Variants in PAX5 observed in about 807,000 individuals in gnomAD.
PAX5 encodes the protein paired box protein Pax-5.
A neutral mutation model predicts 43.7 loss-of-function variants in PAX5; 9 were observed. The observed-to-expected ratio is 0.21, with a 90% CI of 0.12 to 0.36. PAX5 has a LOEUF of 0.36. PAX5 is among the 10% of genes least tolerant of loss of function. The pLI is 1.00. For synonymous variants in PAX5, 228 were observed against 214.3 expected, an observed-to-expected ratio of 1.06 and a Z score of -0.56; for missense variants, 383 against 532.7, an observed-to-expected ratio of 0.72 and a Z score of 2.77.
intron 5 of PAX5, among the ~76,000 whole-genome samples, chr9:36,997,830 C>T (rs1485312399): frequency 6.6e-6 from 1 of 152,246 alleles, no homozygotes; most frequent in Non-Finnish European, 1.5e-5. Context: ...GTGGCCCCTG[C>T]CCTGTCAAGT....
intron 1 of PAX5, among the ~76,000 whole-genome samples, chr9:37,025,999 C>CTCAACTCCAGGACG: frequency 6.6e-6 from 1 of 152,316 alleles, no homozygotes; most frequent in South Asian, 2.1e-4. Flanking sequence ...AAGCCCCCTC[C>CTCAACTCCAGGACG]TCAACTCCAG....
At chr9:36,877,788 G>A (rs1826047289) in intron 8 of PAX5, among the ~76,000 whole-genome samples, 1 of 152,202 alleles carries the variant, frequency 6.6e-6, no homozygotes. Flanking sequence ...CTCCTTATAT[G>A]TAACCTGTGA....
chr9:36,967,200 G>A lies in PAX5; in HGVS notation c.605-476C>T, dbSNP rs183471244. Among the ~76,000 whole-genome samples the A allele has an allele frequency of 3.0e-4, 45 of 152,246 alleles. 1 individual carries two copies. The South Asian group carries it at 5.6e-3, about 19-fold the overall frequency. ...ACATTTGCTACCACATCATGTGACC[G>A]GTCAGTGAAACACTGTGCTAGGAAG... is the stretch of plus-strand genomic sequence containing the variant. On this transcript the variant is annotated intron_variant, in intron 5 of 9. Transcript: ENST00000358127.
At chr9:36,909,814 A>ATT (rs752114508) in intron 7 of PAX5, among the ~76,000 whole-genome samples, 5,364 of 91,752 alleles carry the variant, frequency 0.058, 277 homozygotes, top group Non-Finnish European at 0.076. Flanking sequence ...AGACATTTTA[A>ATT]TTTTTTTTTT....
intron 8 of PAX5, among the ~76,000 whole-genome samples, chr9:36,867,009 C>T (rs1824948826): frequency 6.8e-6 from 1 of 146,906 alleles, no homozygotes; most frequent in Non-Finnish European, 1.5e-5. Flanking sequence ...GTCTTTGCCG[C>T]TGCCCCCAGT....
intron 6 of PAX5, among the ~76,000 whole-genome samples, chr9:36,960,706 G>A (rs947511110): frequency 1.7e-4 from 26 of 152,150 alleles, no homozygotes; most frequent in African/African-American, 4.6e-4. Flanking sequence ...TCATCTCTGC[G>A]TTCCACCCCT....
At chr9:37,030,779 C>A (rs899528279) in intron 1 of PAX5, among the ~76,000 whole-genome samples, 1 of 152,196 alleles carries the variant, frequency 6.6e-6, no homozygotes, top group African/African-American at 2.4e-5. Context: ...ACTGCATTAC[C>A]GTGGCTTCAG....
At chr9:36,975,498 G>C (rs1193335798) in intron 5 of PAX5, among the ~76,000 whole-genome samples, 1 of 151,460 alleles carries the variant, frequency 6.6e-6, no homozygotes, top group East Asian at 1.9e-4. Flanking sequence ...CCATTCTCCT[G>C]CCTCAGCATC....
At chr9:36,948,334 G>A (rs558665576) in intron 6 of PAX5, among the ~76,000 whole-genome samples, 1 of 152,322 alleles carries the variant, frequency 6.6e-6, no homozygotes, top group South Asian at 2.1e-4. Context: ...CTTCCTCCGA[G>A]AGGGACGGGA....
intron 8 of PAX5, among the ~76,000 whole-genome samples, chr9:36,881,346 C>G (rs4480200): frequency 0.91 from 138,946 of 151,872 alleles, 63,594 homozygotes; most frequent in Admixed American, 0.93. Flanking sequence ...AGAAAGAATA[C>G]TCGGGTATTC....
chr9:36,851,814 A>G (rs928679775), intron 8 of PAX5, among the ~76,000 whole-genome samples: 3 of 152,140 alleles, frequency 2.0e-5, no homozygotes, highest in Non-Finnish European at 4.4e-5. Flanking sequence ...CCCCTTCTCT[A>G]GCTGCTGTTG....
At chr9:36,941,181 G>T (rs1317847803) in intron 6 of PAX5, among the ~76,000 whole-genome samples, 1 of 152,208 alleles carries the variant, frequency 6.6e-6, no homozygotes, top group Non-Finnish European at 1.5e-5. Context: ...TAGAACCCCA[G>T]CACCACCCAT....
In PAX5 at chr9:36,881,934, G is replaced by C. The variant is rs973843299; in HGVS notation, c.1012+70C>G. The C allele has an allele frequency of 2.3e-5, 25 of 1,092,060 alleles. No homozygotes were observed. In the South Asian group the frequency reaches 3.3e-4, roughly 15 times the overall value. The allele number at this position is 1,092,060 out of a possible 1,614,324, so 67.6% of individuals were successfully genotyped here. On this transcript the variant is annotated intron_variant, in intron 8 of 9. Transcript: ENST00000358127. Reference sequence around the variant, plus strand: ...AGCGTAGAGGTCACCCAGGCTGTTTGGGGGGGGATGTCCCCCCACCGAAAC... The same window carrying C: ...AGCGTAGAGGTCACCCAGGCTGTTTCGGGGGGGATGTCCCCCCACCGAAAC...
At chr9:36,871,135 C>A (rs1015405234) in intron 8 of PAX5, among the ~76,000 whole-genome samples, 1 of 152,216 alleles carries the variant, frequency 6.6e-6, no homozygotes, top group Admixed American at 6.5e-5. Context: ...CCTGTAGCAG[C>A]GTGGCTTAAA....
intron 8 of PAX5, among the ~76,000 whole-genome samples, chr9:36,860,093 T>C (rs140748763): frequency 0.01 from 1,524 of 147,814 alleles, 26 homozygotes; most frequent in African/African-American, 0.035. Flanking sequence ...AATTCCAGCA[T>C]TCTGGGAGGC....
chr9:37,029,123 TA>T (rs762923064), intron 1 of PAX5, among the ~76,000 whole-genome samples: 20 of 152,214 alleles, frequency 1.3e-4, no homozygotes, highest in Non-Finnish European at 2.5e-4. Context: ...ATATTAAACA[TA>T]AATCCACAAA....
intron 7 of PAX5, among the ~76,000 whole-genome samples, chr9:36,898,694 G>A (rs191406183): frequency 1.7e-3 from 257 of 152,258 alleles, no homozygotes; most frequent in African/African-American, 5.7e-3. Flanking sequence ...CCCGCTCTCC[G>A]AACACCAGCA....
chr9:36,949,539 A>T (rs1475524696), intron 6 of PAX5, among the ~76,000 whole-genome samples: 1 of 152,174 alleles, frequency 6.6e-6, no homozygotes, highest in Non-Finnish European at 1.5e-5. Flanking sequence ...AATCACATAG[A>T]CTCCAGAGGT....
chr9:36,920,777 G>A (rs1242897330), intron 7 of PAX5, among the ~76,000 whole-genome samples: 6 of 146,094 alleles, frequency 4.1e-5, no homozygotes, highest in Non-Finnish European at 7.5e-5. Context: ...CATTTCAGAT[G>A]CTCAACCTGT....
Sources: allele counts gnomAD v4.1 joint callset (sites outside exome capture counted in the v4.1 genomes callset), GRCh38; gene constraint gnomAD v4.1.1; transcripts MANE v1.5; gene names NCBI Gene and HGNC (gene_info 2026-07-23, HGNC 2026-07-21).